NDUFV3: variants seen among roughly 807,000 people sequenced by gnomAD.
NDUFV3 encodes NADH:ubiquinone oxidoreductase subunit V3.
In NDUFV3, 44 loss-of-function variants were observed where a neutral mutation model predicts 37.5. The ratio of observed to expected loss-of-function variants is 1.17; its 90% CI spans 0.92 to 1.51. The LOEUF is 1.51. Among genes scored for constraint, NDUFV3 ranks in the 40% most tolerant of loss-of-function variants. The pLI is 0.00. For missense variants in NDUFV3, 580 were observed against 580.4 expected, an observed-to-expected ratio of 1.00 and a Z score of 0.01; for synonymous variants, 235 against 239.3, an observed-to-expected ratio of 0.98 and a Z score of 0.17.
At chr21:42,894,943 T>C in intron 1 of NDUFV3, among the ~76,000 whole-genome samples, 1 of 152,166 alleles carries the variant, frequency 6.6e-6, no homozygotes, top group Non-Finnish European at 1.5e-5. Context: ...GTTGGCATAA[T>C]ATAAAATATC....
intron 2 of NDUFV3, 52 bp from the exon 3 acceptor site, chr21:42,903,130 T>G: frequency 6.2e-7 from 1 of 1,609,256 alleles, no homozygotes; most frequent in Non-Finnish European, 8.5e-7. Flanking sequence ...TAATTTTGAC[T>G]GAGTTTTAAG....
chr21:42,903,894 C>A lies in NDUFV3; in HGVS notation c.882C>A (p.His294Gln), dbSNP rs373439940. The change falls in exon 3 of 4, where the codon CAC (histidine) becomes CAA (glutamine). Residue 294 changes from histidine (H) to glutamine (Q), a missense_variant. By Grantham distance (24) the His-to-Gln change is conservative. Coordinates refer to ENST00000354250, the MANE Select transcript of NDUFV3 (RefSeq NM_021075.4). ...AAGTTAAAGGACCCTTACCTGTCCA[C>A]ACAAAATCAGGGTTGTCTGCGCCAC... ...PFEVKGPLPV[H>Q]TKSGLSAPPK... The A allele has an allele frequency of 6.2e-7, 1 of 1,611,604 alleles. No individual in the cohort carries two copies. Among genetic ancestry groups the A allele is most frequent in the Non-Finnish European group, 8.5e-7 (1 of 1,179,084 alleles).
At chr21:42,900,885 C>T (rs2058715383) in intron 2 of NDUFV3, among the ~76,000 whole-genome samples, 1 of 152,150 alleles carries the variant, frequency 6.6e-6, no homozygotes, top group South Asian at 2.1e-4. Flanking sequence ...ATATCAGGGG[C>T]TGGATGTTCT....
chr21:42,894,435 A>AATATGT (rs2058677924), intron 1 of NDUFV3, among the ~76,000 whole-genome samples: 1 of 57,536 alleles, frequency 1.7e-5, no homozygotes, highest in South Asian at 3.9e-4. Flanking sequence ...ATAAATATAT[A>AATATGT]TTATATAATA....
chr21:42,903,594 T>C lies in NDUFV3; in HGVS notation c.582T>C (p.Phe194=). The C allele has an allele frequency of 2.5e-6, 4 of 1,613,916 alleles. No homozygotes were observed. The highest frequency in any genetic ancestry group is 3.4e-6 in the Non-Finnish European group (4 of 1,180,012). ...GAAAACCAGAGGCCTCTCATTCCTT[T>C]GAAAACAGAGCCCCCCGAGTTACAG... is the stretch of plus-strand genomic sequence containing the variant. ...GLRKPEASHS[F]ENRAPRVTVS... Residue 194 remains phenylalanine (F), a synonymous_variant, in exon 3 of 4, where the codon TTT becomes TTC. Transcript: ENST00000354250.
intron 1 of NDUFV3, among the ~76,000 whole-genome samples, chr21:42,894,481 T>C (rs867125847): frequency 1.6e-5 from 1 of 63,544 alleles, no homozygotes; most frequent in Admixed American, 2.1e-4. Context: ...TATTATATAT[T>C]TATATATTTA....
intron 1 of NDUFV3, among the ~76,000 whole-genome samples, chr21:42,895,574 C>T (rs2058686729): frequency 6.6e-6 from 1 of 151,598 alleles, no homozygotes; most frequent in African/African-American, 2.4e-5. Context: ...ATCGCTGGAA[C>T]CCAGGAGGCG....
At chr21:42,902,911 T>A (rs1268572810) in intron 2 of NDUFV3, among the ~76,000 whole-genome samples, 2 of 152,178 alleles carry the variant, frequency 1.3e-5, no homozygotes, top group African/African-American at 4.8e-5. Context: ...TAATACCTCA[T>A]ACAATGTAAA....
At chr21:42,898,423 C>T (rs2058703972) in intron 2 of NDUFV3, among the ~76,000 whole-genome samples, 1 of 152,182 alleles carries the variant, frequency 6.6e-6, no homozygotes, top group South Asian at 2.1e-4. Context: ...GCTGAGACTA[C>T]AGGCACATAC....
rs1464940918 is a variant in NDUFV3, at chr21:42,910,826, T to C, written c.*1805T>C. 6.5e-6 allele frequency: 1 copy of C among 153,890 alleles called. No homozygotes were observed. Among genetic ancestry groups the C allele is most frequent in the Non-Finnish European group, 1.5e-5 (1 of 68,922 alleles). 9.5% of individuals were successfully genotyped at this position (153,890 alleles called of 1,614,324 possible). Reference sequence around the variant, plus strand: ...TGGCCAAGTAACCTCCCATCCCTTGTGATAGATAACTTTAAGTCACACCTT... The same window carrying C: ...TGGCCAAGTAACCTCCCATCCCTTGCGATAGATAACTTTAAGTCACACCTT... On this transcript the variant is annotated 3_prime_UTR_variant, in exon 4 of 4. Transcript: ENST00000354250.
chr21:42,897,221 T>G (rs910600350), intron 2 of NDUFV3, among the ~76,000 whole-genome samples, 174 bp downstream of exon 2: 5 of 152,194 alleles, frequency 3.3e-5, no homozygotes, highest in African/African-American at 1.2e-4. Context: ...GACCAAACAT[T>G]TCAGTCATGT....
intron 1 of NDUFV3, among the ~76,000 whole-genome samples, chr21:42,894,351 A>AT (rs1249037452): frequency 2.7e-5 from 1 of 37,458 alleles, no homozygotes; most frequent in East Asian, 4.0e-4. Context: ...TATTATATAT[A>AT]AATATATATT....
intron 2 of NDUFV3, among the ~76,000 whole-genome samples, chr21:42,899,277 G>GTTTTTTTTTTTTTTTTTTTTT (rs370812043): frequency 7.1e-6 from 1 of 141,126 alleles, no homozygotes; most frequent in Non-Finnish European, 1.5e-5. Context: ...GTTGTATCTT[G>GTTTTTTTTTTTTTTTTTTTTT]TTTTTTTTTG....
chr21:42,896,898 A>C, intron 1 of NDUFV3, 29 bp from the exon 2 acceptor site: 2 of 1,602,682 alleles, frequency 1.2e-6, no homozygotes, highest in Non-Finnish European at 1.7e-6. Flanking sequence ...ATTACTCTAA[A>C]CATCCATATT....
Position 42,910,572 on chromosome 21 carries a change from G to A in NDUFV3, c.*1551G>A, listed in dbSNP as rs527649465. On this transcript the variant is annotated 3_prime_UTR_variant, in exon 4 of 4. Coordinates refer to ENST00000354250, the MANE Select transcript of NDUFV3 (RefSeq NM_021075.4). ...GGAGTAGGAAGAGGTGAAGTTTCGT[G>A]CAGTACAGGGACGGAGTAGGAAGAG... The A allele has an allele frequency of 6.8e-6, 1 of 146,082 alleles. No individual in the cohort carries two copies. Among genetic ancestry groups the A allele is most frequent in the African/African-American group, 2.4e-5 (1 of 40,936 alleles). The allele number at this position is 146,082 out of a possible 1,614,324, so 9.0% of individuals were successfully genotyped here.
At position 42,908,868 on chromosome 21, in the gene NDUFV3, A is replaced by T. The variant is rs368107778; in HGVS notation, c.1269A>T (p.Pro423=). Residue 423 remains proline, a synonymous_variant, in exon 4 of 4, where the codon CCA becomes CCT. Transcript: ENST00000354250. The part of the protein sequence containing the change: ...PGDDRGGTQE[P]APVPAEPFDN... The stretch of plus-strand genomic sequence containing the variant: ...GGCATCGTGTTTCCTCCGCAGAGCC[A>T]GCCCCAGTGCCTGCTGAGCCGTTTG... 5 of 1,614,184 alleles carry T rather than the reference A, an allele frequency of 3.1e-6. No homozygotes were observed. Among genetic ancestry groups the T allele is most frequent in the Non-Finnish European group, 3.4e-6 (4 of 1,180,032 alleles).
At chr21:42,900,202 G>A (rs372557100) in intron 2 of NDUFV3, among the ~76,000 whole-genome samples, 2 of 151,848 alleles carry the variant, frequency 1.3e-5, no homozygotes, top group Non-Finnish European at 2.9e-5. Context: ...ACCCTGTCTC[G>A]ACAAAAATAA....
chr21:42,905,540 G>T (rs1453858777), intron 3 of NDUFV3, among the ~76,000 whole-genome samples: 1 of 152,080 alleles, frequency 6.6e-6, no homozygotes, highest in East Asian at 1.9e-4. Flanking sequence ...TTTTGACATG[G>T]GTTTTGCTCT....
chr21:42,896,472 A>G (rs976004866), intron 1 of NDUFV3, among the ~76,000 whole-genome samples: 1 of 151,588 alleles, frequency 6.6e-6, no homozygotes, highest in Non-Finnish European at 1.5e-5. Context: ...TTTTTAGTAG[A>G]GACGGGGTTG....
Sources: gnomAD v4.1 joint callset for allele counts (sites outside exome capture counted in the v4.1 genomes callset) on GRCh38, gnomAD v4.1.1 for gene constraint, MANE v1.5 for transcripts, NCBI Gene and HGNC (gene_info 2026-07-23, HGNC 2026-07-21) for gene names.